Variants in CNGB1 observed in about 807,000 individuals in gnomAD.
CNGB1 encodes cyclic nucleotide gated channel subunit beta 1.
In CNGB1, 126 loss-of-function variants were observed where a neutral mutation model predicts 151.7. The observed-to-expected ratio is 0.83, with a 90% CI of 0.72 to 0.96. The LOEUF (loss-of-function observed/expected upper bound fraction) is 0.96. Among genes scored for constraint, CNGB1 ranks in the 40% least tolerant of loss-of-function variants. The probability of loss-of-function intolerance (pLI) is 0.00; values close to 1 mark genes in which losing one functional copy is unlikely to be tolerated. For synonymous variants in CNGB1, 623 were observed against 635.1 expected (o/e 0.98, Z 0.29); for missense variants, 1,698 against 1,627.0 (o/e 1.04, Z -0.75).
intron 29 of CNGB1, 44 bp from the exon 30 acceptor site, chr16:57,897,958 T>G: frequency 6.3e-7 from 1 of 1,599,236 alleles, no homozygotes; most frequent in Non-Finnish European, 8.6e-7. Context: ...TCCCCCAAAG[T>G]CACCAGAGAA....
intron 26 of CNGB1, among the ~76,000 whole-genome samples, chr16:57,904,385 G>A (rs1448191148): frequency 1.3e-5 from 2 of 152,158 alleles, no homozygotes; most frequent in Non-Finnish European, 2.9e-5. Flanking sequence ...ATAAATTTGA[G>A]AACCTCTGAC....
In CNGB1 at chr16:57,940,264, G is replaced by A. The variant is rs377042647; in HGVS notation, c.1179C>T (p.Asp393=). 1.2e-4 allele frequency: 192 copies of A among 1,578,016 alleles called. No individual in the cohort carries two copies. Among genetic ancestry groups the A allele is most frequent in the South Asian group, 7.8e-4 (67 of 86,098 alleles). ...CTGAAGTGCTCTGGGGCCGGGTCCC[G>A]TCTTCTTCACTCTGGCCCACGCCCA... is the stretch of plus-strand genomic sequence containing the variant. The part of the protein sequence containing the change: ...SQVGVGQSEE[D]GTRPQSTSDQ... The change falls in exon 15 of 33, where the codon GAC becomes GAT. Residue 393 remains aspartate, a synonymous_variant. Coordinates refer to ENST00000251102, the MANE Select transcript of CNGB1 (RefSeq NM_001297.5).
chr16:57,923,100 C>T, intron 18 of CNGB1, 173 bp downstream of exon 18: 1 of 518,278 alleles, frequency 1.9e-6, no homozygotes, highest in Non-Finnish European at 3.5e-6. Flanking sequence ...AACAGGACTC[C>T]TGGGCCAGCC....
chr16:57,950,454 T>A lies in CNGB1; in HGVS notation c.961A>T (p.Ser321Cys). Residue 321 changes from serine to cysteine, a missense_variant, in exon 13 of 33, where the codon AGT (serine) becomes TGT (cysteine). Transcript: ENST00000251102. ...ACCTCTGTACCCTGTGGGCTGGTAC[T>A]GACATCCTGGTGGGCATCCTCCCAG... ...PPWEDAHQDV[S>C]TSPQGTEVVP... 1 of 1,614,236 alleles carries A rather than the reference T, an allele frequency of 6.2e-7. No individual in the cohort carries two copies. Among genetic ancestry groups the A allele is most frequent in the Non-Finnish European group, 8.5e-7 (1 of 1,180,036 alleles).
chr16:57,914,686 C>T (rs1230794428), intron 23 of CNGB1, among the ~76,000 whole-genome samples: 2 of 152,142 alleles, frequency 1.3e-5, no homozygotes, highest in African/African-American at 2.4e-5. Context: ...TGGAGACTTT[C>T]GCTCTGCCCA....
At chr16:57,910,045 T>C (rs1960665965) in intron 25 of CNGB1, among the ~76,000 whole-genome samples, 1 of 152,250 alleles carries the variant, frequency 6.6e-6, no homozygotes, top group Non-Finnish European at 1.5e-5. Flanking sequence ...TCACCACCAT[T>C]GTAAACCAAA....
intron 31 of CNGB1, among the ~76,000 whole-genome samples, chr16:57,889,539 C>T (rs1960029005): frequency 6.6e-6 from 1 of 152,206 alleles, no homozygotes; most frequent in East Asian, 1.9e-4. Flanking sequence ...TTGCAGAGGA[C>T]CTAGCTAAGC....
intron 27 of CNGB1, 63 bp from the exon 28 acceptor site, chr16:57,901,688 G>T: frequency 2.2e-6 from 3 of 1,374,084 alleles, no homozygotes; most frequent in East Asian, 2.3e-5. Context: ...CATACATACC[G>T]GCCAAGTGCC....
chr16:57,961,157 C>A (rs1368192284), intron 7 of CNGB1, among the ~76,000 whole-genome samples: 1 of 152,208 alleles, frequency 6.6e-6, no homozygotes, highest in African/African-American at 2.4e-5. Flanking sequence ...CCTGGGGCAG[C>A]AGGGGAGAGG....
At chr16:57,893,178 G>A (rs1179676703) in intron 31 of CNGB1, among the ~76,000 whole-genome samples, 1 of 152,148 alleles carries the variant, frequency 6.6e-6, no homozygotes, top group Non-Finnish European at 1.5e-5. Flanking sequence ...AAGACAAGGA[G>A]GAAAACCCAG....
chr16:57,938,135 C>G (rs1961562330), intron 16 of CNGB1, among the ~76,000 whole-genome samples: 1 of 152,186 alleles, frequency 6.6e-6, no homozygotes, highest in South Asian at 2.1e-4. Flanking sequence ...AATGGCTATG[C>G]CTCAGCATTT....
intron 31 of CNGB1, among the ~76,000 whole-genome samples, chr16:57,891,875 T>C (rs1490245980): frequency 2.0e-5 from 3 of 152,072 alleles, no homozygotes; most frequent in African/African-American, 7.2e-5. Flanking sequence ...TTATTAAATA[T>C]AGATTATTGT....
intron 16 of CNGB1, among the ~76,000 whole-genome samples, chr16:57,938,684 C>G (rs1961576705): frequency 6.6e-6 from 1 of 152,172 alleles, no homozygotes; most frequent in Non-Finnish European, 1.5e-5. Flanking sequence ...CCTCAGTTTT[C>G]TCATCTGTAA....
chr16:57,955,659 G>A (rs958794789), intron 12 of CNGB1, among the ~76,000 whole-genome samples: 18 of 152,198 alleles, frequency 1.2e-4, no homozygotes, highest in African/African-American at 3.9e-4. Flanking sequence ...TTGAGGGTGG[G>A]CCCTAAATCC....
chr16:57,954,929 T>G, intron 12 of CNGB1: 1 of 1,033,004 alleles, frequency 9.7e-7, no homozygotes, highest in South Asian at 3.8e-5. Flanking sequence ...AAAAAGGTTT[T>G]TTAGAGACAG....
chr16:57,940,407 G>T (rs751321621), intron 14 of CNGB1, 86 bp from the exon 15 acceptor site: 13 of 1,333,398 alleles, frequency 9.7e-6, no homozygotes, highest in Non-Finnish European at 7.3e-6. Context: ...GCCACGCTCT[G>T]TGCCAGGAGC....
intron 14 of CNGB1, 102 bp from the exon 15 acceptor site, chr16:57,940,423 G>T (rs1961639662): frequency 1.8e-6 from 2 of 1,133,598 alleles, no homozygotes; most frequent in Non-Finnish European, 1.3e-6. Context: ...GGAGCGGAGG[G>T]TACAGAGATG....
chr16:57,931,950 T>C lies in CNGB1; in HGVS notation c.1373-72A>G, dbSNP rs1961366719. On this transcript the variant is annotated intron_variant, in intron 16 of 32. Coordinates refer to ENST00000251102, the MANE Select transcript of CNGB1 (RefSeq NM_001297.5). ...GGGTCCCAGGAGTCCAGCTGTGTTCTTGAAGAAAACCAGAGAAAGCATGTT... is the reference window on the plus strand; with the variant it reads ...GGGTCCCAGGAGTCCAGCTGTGTTCCTGAAGAAAACCAGAGAAAGCATGTT... The C allele has an allele frequency of 6.5e-6, 10 of 1,545,040 alleles. No individual in the cohort carries two copies. In the South Asian group the frequency reaches 9.1e-5, roughly 14 times the overall value.
rs887760774 is a variant in CNGB1, at chr16:57,945,105, C to T, written c.1121+4248G>A. Among the ~76,000 whole-genome samples the T allele has an allele frequency of 5.9e-5, 9 of 152,040 alleles. No homozygotes were observed. In the South Asian group the frequency reaches 1.7e-3, roughly 28 times the overall value. On this transcript the variant is annotated intron_variant, in intron 14 of 32. Coordinates refer to ENST00000251102, the MANE Select transcript of CNGB1 (RefSeq NM_001297.5). ...GAGAAAACAGAGGCTCAGAGAGTTT[C>T]GATGGCCAATCCACGGTCATACCGC...
Sources: gnomAD v4.1 joint callset for allele counts (sites outside exome capture counted in the v4.1 genomes callset) on GRCh38, gnomAD v4.1.1 for gene constraint, MANE v1.5 for transcripts, NCBI Gene and HGNC (gene_info 2026-07-23, HGNC 2026-07-21) for gene names.